The following NLRP9 variants were observed in gnomAD, a reference collection of about 807,000 sequenced individuals.
The protein encoded by NLRP9 is NLR family pyrin domain containing 9.
A neutral mutation model predicts 83.1 loss-of-function variants in NLRP9; 88 were observed. The observed-to-expected ratio is 1.06, with a 90% CI of 0.89 to 1.26. The LOEUF is 1.26. NLRP9 is among the 50% of genes most tolerant of loss of function. The pLI, the probability that NLRP9 is intolerant of heterozygous loss-of-function variation, is 0.00. For missense variants in NLRP9, 1,308 were observed against 1,179.3 expected (o/e 1.11, Z -1.60); for synonymous variants, 521 against 447.6 (o/e 1.16, Z -2.07).
Position 55,712,500 on chromosome 19 carries a change from C to T in NLRP9, c.2592G>A (p.Gly864=). 6.2e-7 allele frequency: 1 copy of T among 1,612,648 alleles called. No individual in the cohort carries two copies. Residue 864 remains glycine (G), a synonymous_variant, in exon 7 of 9, where the codon GGG becomes GGA. Coordinates refer to ENST00000332836, the MANE Select transcript of NLRP9 (RefSeq NM_176820.4). Reference sequence around the variant, plus strand: ...CACCAGTGTCTCCTATTTCATTATGCCCAAGTTTCAGGGTCTTCAGTTTCC... The same window carrying T: ...CACCAGTGTCTCCTATTTCATTATGTCCAAGTTTCAGGGTCTTCAGTTTCC... ...CNGKLKTLKL[G]HNEIGDTGVR... is the part of the protein sequence containing the mutation.
At chr19:55,735,498 G>A (rs1330782154) in intron 1 of NLRP9, among the ~76,000 whole-genome samples, 1 of 152,094 alleles carries the variant, frequency 6.6e-6, no homozygotes, top group Non-Finnish European at 1.5e-5. Flanking sequence ...ATCAATGTAT[G>A]TAATCATGGC....
intron 8 of NLRP9, 155 bp downstream of exon 8, chr19:55,711,643 GTT>G: frequency 1.1e-6 from 1 of 885,402 alleles, no homozygotes; most frequent in Non-Finnish European, 1.8e-6. Flanking sequence ...AATGTCAATG[GTT>G]TTTATATTTT....
chr19:55,734,820 A>C (rs1308871222), intron 1 of NLRP9, among the ~76,000 whole-genome samples: 1 of 151,996 alleles, frequency 6.6e-6, no homozygotes, highest in Non-Finnish European at 1.5e-5. Context: ...TTTTTCGTAG[A>C]TACAGGGTCT....
chr19:55,723,927 G>T, intron 4 of NLRP9, 53 bp downstream of exon 4: 2 of 1,485,514 alleles, frequency 1.3e-6, no homozygotes, highest in Non-Finnish European at 1.8e-6. Context: ...AAATCAAACT[G>T]CAAAGCCCAC....
At chr19:55,712,297 T>A in intron 7 of NLRP9, 123 bp downstream of exon 7, 1 of 805,710 alleles carries the variant, frequency 1.2e-6, no homozygotes, top group Non-Finnish European at 2.0e-6. Flanking sequence ...GCATTTTACA[T>A]ATCAGATCGT....
intron 4 of NLRP9, among the ~76,000 whole-genome samples, chr19:55,723,000 G>GGC (rs1313606652): frequency 2.0e-4 from 31 of 152,206 alleles, no homozygotes; most frequent in African/African-American, 6.5e-4. Flanking sequence ...CTGTCGGTGG[G>GGC]TGGGGAGCTG....
At chr19:55,735,605 T>C (rs1988763785) in intron 1 of NLRP9, among the ~76,000 whole-genome samples, 1 of 152,222 alleles carries the variant, frequency 6.6e-6, no homozygotes, top group Non-Finnish European at 1.5e-5. Context: ...TTTTCAAACA[T>C]GGTTTTTGAC....
At position 55,729,847 on chromosome 19, in the gene NLRP9, T is replaced by C. The variant is rs1988518211; in HGVS notation, c.1978A>G (p.Lys660Glu). 6.2e-7 allele frequency: 1 copy of C among 1,612,262 alleles called. No individual in the cohort carries two copies. Among genetic ancestry groups the C allele is most frequent in the South Asian group, 1.1e-5 (1 of 90,908 alleles). ...LCKALAQPVC[K>E]LRKLIFTSVY... ...AAAACTTACATGAGTTTTCGGAGTT[T>C]ACAAACAGGCTGAGCCAGCGCTTTG... Residue 660 changes from lysine to glutamate, a missense_variant, in exon 3 of 9, where the codon AAA becomes GAA. By Grantham distance (56) the Lys-to-Glu change is moderately conservative. Transcript: ENST00000332836.
rs535577979 is a variant in NLRP9, at chr19:55,731,901, T to G, written c.1832+98A>C. 15 of 753,362 alleles carry G rather than the reference T, an allele frequency of 2.0e-5. No individual in the cohort carries two copies. The African/African-American group carries it at 2.3e-4, about 12-fold the overall frequency. 46.7% of individuals were successfully genotyped at this position (753,362 alleles called of 1,614,324 possible). A position where few individuals can be genotyped will look rare whatever the true frequency, so the allele number is the denominator to read the frequency against. On this transcript the variant is annotated intron_variant, in intron 2 of 8. Coordinates refer to ENST00000332836, the MANE Select transcript of NLRP9 (RefSeq NM_176820.4). ...GCTTTCTGACTCCGACCTCCATGCT[T>G]TTAAGCACAGTGGCATAAGGCCCAT...
chr19:55,711,839 TCA>T lies in NLRP9; in HGVS notation c.2802_2803del (p.Cys934Ter). 6.2e-7 allele frequency: 1 copy of T among 1,613,308 alleles called. No homozygotes were observed. The highest frequency in any genetic ancestry group is 1.3e-5 in the African/African-American group (1 of 75,034). ...GGCACAGTCCGGGTGGCTCAATGCC[TCA>T]CACAGCACCACCACTGCATCAGCAT... On this transcript the variant is annotated stop_gained and frameshift_variant, in exon 8 of 9. Transcript: ENST00000332836. LOFTEE classifies it low-confidence loss of function (END_TRUNC).
chr19:55,732,833 A>G lies in NLRP9; in HGVS notation c.998T>C (p.Leu333Ser). The change falls in exon 2 of 9, where the codon TTG (leucine) becomes TCG (serine). Residue 333 changes from leucine (L) to serine (S), a missense_variant. Leu to Ser is a moderately radical substitution (Grantham distance 145). Coordinates refer to ENST00000332836, the MANE Select transcript of NLRP9 (RefSeq NM_176820.4). ...FVRDNGPLFI[L>S]CHNPFTCWLV... is the part of the protein sequence containing the mutation. ...CCAGCACGTAAAGGGATTATGGCAC[A>G]AGATAAACAGCGGCCCATTATCTCT... The G allele has an allele frequency of 6.2e-7, 1 of 1,614,178 alleles. No individual in the cohort carries two copies. Among genetic ancestry groups the G allele is most frequent in the South Asian group, 1.1e-5 (1 of 91,068 alleles).
At chr19:55,712,652 T>C in intron 6 of NLRP9, 62 bp from the exon 7 acceptor site, 1 of 1,401,746 alleles carries the variant, frequency 7.1e-7, no homozygotes, top group Non-Finnish European at 1.0e-6. Context: ...CAGCCCACCT[T>C]ATTTTCATTT....
chr19:55,728,795 T>C (rs1988475737), intron 3 of NLRP9, among the ~76,000 whole-genome samples: 1 of 152,136 alleles, frequency 6.6e-6, no homozygotes, highest in Admixed American at 6.6e-5. Context: ...GACATGACTT[T>C]TCAAGCTGAA....
rs1988839739 is a variant in NLRP9 at position 55,738,281 on chromosome 19, G to A, written c.94C>T (p.Gln32Ter). The A allele has an allele frequency of 1.2e-6, 2 of 1,613,920 alleles. No individual in the cohort carries two copies. The highest frequency in any genetic ancestry group is 1.7e-5 in the Admixed American group (1 of 59,992). The change falls in exon 1 of 9, where the codon CAA becomes TAA. Residue 32 changes from glutamine (Q) to a stop codon, truncating the protein, a stop_gained. Transcript: ENST00000332836. LOFTEE classifies it high-confidence loss of function. The part of the protein sequence containing the change: ...EFWKFKELLK[Q>*]PLEKFELKPI... Reference sequence around the variant, plus strand: ...TTGAGTTCAAATTTCTCCAAAGGTTGTTTGAGGAGCTCCTTAAATTTCCAA... The same window carrying A: ...TTGAGTTCAAATTTCTCCAAAGGTTATTTGAGGAGCTCCTTAAATTTCCAA...
chr19:55,734,542 T>TATACAC (rs138779232), intron 1 of NLRP9, among the ~76,000 whole-genome samples: 12 of 148,522 alleles, frequency 8.1e-5, no homozygotes, highest in Admixed American at 4.8e-4. Context: ...TATATATATA[T>TATACAC]ACATATATAC....
chr19:55,738,223 G>A lies in NLRP9; in HGVS notation c.152C>T (p.Ser51Phe), dbSNP rs771707436. 2 of 1,614,088 alleles carry A rather than the reference G, an allele frequency of 1.2e-6. No individual in the cohort carries two copies. The highest frequency in any genetic ancestry group is 3.3e-5 in the Admixed American group (2 of 60,012). Residue 51 changes from serine (S) to phenylalanine (F), a missense_variant, in exon 1 of 9, where the codon TCC becomes TTC. Transcript: ENST00000332836. ...CAGCAGCTTTGCTACATCTTCTTTG[G>A]AGGCCTTCTTCAGCTCAGCCCAGGG... ...PIPWAELKKA[S>F]KEDVAKLLDK... is the part of the protein sequence containing the mutation.
Position 55,712,508 on chromosome 19 carries a change from T to G in NLRP9, c.2584A>C (p.Lys862Gln). Residue 862 changes from lysine to glutamine, a missense_variant, in exon 7 of 9, where the codon AAA (lysine) becomes CAA (glutamine). Physicochemically the swap from Lys to Gln is moderately conservative, Grantham distance 53. Coordinates refer to ENST00000332836, the MANE Select transcript of NLRP9 (RefSeq NM_176820.4). ...TCTCCTATTTCATTATGCCCAAGTT[T>G]CAGGGTCTTCAGTTTCCCATTGCAA... ...LICNGKLKTL[K>Q]LGHNEIGDTG... The G allele has an allele frequency of 6.2e-7, 1 of 1,612,754 alleles. No homozygotes were observed. Among genetic ancestry groups the G allele is most frequent in the Non-Finnish European group, 8.5e-7 (1 of 1,179,836 alleles).
chr19:55,710,700 A>T (rs34637812), intron 8 of NLRP9, among the ~76,000 whole-genome samples: 1 of 152,010 alleles, frequency 6.6e-6, no homozygotes, highest in East Asian at 1.9e-4. Context: ...CCATGATTCA[A>T]AGTTTCCTGT....
In NLRP9 at chr19:55,723,059, T is replaced by C. The variant is rs138620215; in HGVS notation, c.2159+921A>G. Reference sequence around the variant, plus strand: ...ATACCTAATGTAAATGACGAGTTGATGGGTACAGCAAACCAACATGGCACA... The same window carrying C: ...ATACCTAATGTAAATGACGAGTTGACGGGTACAGCAAACCAACATGGCACA... On this transcript the variant is annotated intron_variant, in intron 4 of 8. Coordinates refer to ENST00000332836, the MANE Select transcript of NLRP9 (RefSeq NM_176820.4). Among the ~76,000 whole-genome samples, 462 of 152,174 alleles carry C rather than the reference T, an allele frequency of 3.0e-3. 6 individuals are homozygous for C. Among genetic ancestry groups the C allele is most frequent in the African/African-American group, 0.011 (453 of 41,498 alleles).
Sources: gnomAD v4.1 joint callset for allele counts (sites outside exome capture counted in the v4.1 genomes callset) on GRCh38, gnomAD v4.1.1 for gene constraint, MANE v1.5 for transcripts, NCBI Gene and HGNC (gene_info 2026-07-23, HGNC 2026-07-21) for gene names.